The following WDR41 variants were observed in gnomAD, a reference collection of about 807,000 sequenced individuals.
The protein encoded by WDR41 is WD repeat-containing protein 41.
A neutral mutation model predicts 69.3 loss-of-function variants in WDR41; 63 were observed. That is an observed-to-expected ratio of 0.91 (90% CI 0.74 to 1.12). The LOEUF is 1.12. WDR41 is among the 50% of genes most tolerant of loss of function. The pLI is 0.00. For missense variants in WDR41, 543 were observed against 534.5 expected (o/e 1.02, Z -0.16); for synonymous variants, 185 against 192.1 (o/e 0.96, Z 0.31).
chr5:77,463,130 G>C lies in WDR41; in HGVS notation c.313C>G (p.Leu105Val), dbSNP rs1800145336. ...SLESCEEKNQLILTASADRTV... is the reference protein window; with the variant it reads ...SLESCEEKNQVILTASADRTV... ...CTATCAGCAGAGGCTGTCAAGATGAGTTGATTTTTCTCTTCACAAGATTCC... is the reference window on the plus strand; with the variant it reads ...CTATCAGCAGAGGCTGTCAAGATGACTTGATTTTTCTCTTCACAAGATTCC... The change falls in exon 4 of 13, where the codon CTC (leucine) becomes GTC (valine). Residue 105 changes from leucine (L) to valine (V), a missense_variant. Transcript: ENST00000296679. 6.2e-7 allele frequency: 1 copy of C among 1,612,416 alleles called. No individual in the cohort carries two copies. Among genetic ancestry groups the C allele is most frequent in the Non-Finnish European group, 8.5e-7 (1 of 1,179,260 alleles).
rs181393765 is a variant in WDR41, at chr5:77,475,580, G to A, written c.168-10771C>T. ...GGAGAGACTGACACCTCACACGGCC[G>A]GGTACTCCAACAGACCTGCAGCTGA... On this transcript the variant is annotated intron_variant, in intron 2 of 12. Coordinates refer to ENST00000296679, the MANE Select transcript of WDR41 (RefSeq NM_018268.4). Among the ~76,000 whole-genome samples, 472 of 152,136 alleles carry A rather than the reference G, an allele frequency of 3.1e-3. 1 individual carries two copies. The highest frequency in any genetic ancestry group is 0.011 in the African/African-American group (449 of 41,492).
chr5:77,484,403 C>T (rs1366991475), intron 2 of WDR41, among the ~76,000 whole-genome samples: 4 of 152,148 alleles, frequency 2.6e-5, no homozygotes, highest in Middle Eastern at 3.4e-3. Flanking sequence ...GGATTAGGGG[C>T]CTTTAGAAAT....
chr5:77,511,059 A>G (rs1257006154), intron 1 of WDR41, among the ~76,000 whole-genome samples: 1 of 152,044 alleles, frequency 6.6e-6, no homozygotes, highest in Non-Finnish European at 1.5e-5. Context: ...ACCCAGCCCA[A>G]ATTTAATTTT....
intron 2 of WDR41, among the ~76,000 whole-genome samples, chr5:77,470,333 T>G (rs1581733489): frequency 6.6e-6 from 1 of 152,046 alleles, no homozygotes; most frequent in East Asian, 1.9e-4. Flanking sequence ...CATGCCAAAT[T>G]GTAAAGACCA....
intron 1 of WDR41, among the ~76,000 whole-genome samples, chr5:77,557,720 A>T (rs375340011): frequency 6.6e-6 from 1 of 152,234 alleles, no homozygotes; most frequent in African/African-American, 2.4e-5. Context: ...TTGCACATAT[A>T]CACCAAAATA....
At chr5:77,583,127 T>C (rs1743971625) in intron 1 of WDR41, 1 of 1,395,068 alleles carries the variant, frequency 7.2e-7, no homozygotes, top group African/African-American at 1.4e-5. Flanking sequence ...AACTAAGGTG[T>C]CTACCATGAT....
intron 1 of WDR41, among the ~76,000 whole-genome samples, chr5:77,592,274 G>T (rs1744149357): frequency 6.6e-6 from 1 of 152,020 alleles, no homozygotes; most frequent in African/African-American, 2.4e-5. Context: ...TTTAAATTGA[G>T]TCTGATAGTT....
chr5:77,537,168 C>T (rs1178422889), intron 1 of WDR41, among the ~76,000 whole-genome samples: 2 of 152,200 alleles, frequency 1.3e-5, no homozygotes. Context: ...TTTTTCCCTC[C>T]TATCTTTCTG....
chr5:77,461,898 G>C (rs1800084025), intron 4 of WDR41, among the ~76,000 whole-genome samples: 1 of 151,914 alleles, frequency 6.6e-6, no homozygotes, highest in African/African-American at 2.4e-5. Context: ...AAAGACAACA[G>C]TTATCCATAG....
At chr5:77,591,267 A>G (rs532453083) in intron 1 of WDR41, among the ~76,000 whole-genome samples, 1 of 152,162 alleles carries the variant, frequency 6.6e-6, no homozygotes, top group African/African-American at 2.4e-5. Flanking sequence ...TGTTACTGAT[A>G]TTGGTCATTT....
At chr5:77,568,458 G>A (rs1397591998) in intron 1 of WDR41, among the ~76,000 whole-genome samples, 1 of 152,078 alleles carries the variant, frequency 6.6e-6, no homozygotes, top group Admixed American at 6.6e-5. Context: ...CTGTATGAGA[G>A]CTCTGCTAGC....
intron 2 of WDR41, among the ~76,000 whole-genome samples, chr5:77,474,861 G>C (rs926232923): frequency 2.6e-5 from 4 of 152,220 alleles, no homozygotes; most frequent in Non-Finnish European, 5.9e-5. Flanking sequence ...CCCAGCGTGA[G>C]CGACGCAGAA....
At chr5:77,467,805 A>T (rs1800370763) in intron 2 of WDR41, among the ~76,000 whole-genome samples, 1 of 152,068 alleles carries the variant, frequency 6.6e-6, no homozygotes, top group African/African-American at 2.4e-5. Context: ...TCCTTTTATC[A>T]TAATTAATGT....
At chr5:77,456,293 G>C (rs1414061779) in intron 5 of WDR41, among the ~76,000 whole-genome samples, 2 of 152,060 alleles carry the variant, frequency 1.3e-5, no homozygotes, top group African/African-American at 4.8e-5. Flanking sequence ...ATAGGCATAA[G>C]CCACCCCGCC....
upstream of WDR41, among the ~76,000 whole-genome samples, chr5:77,493,976 T>G (rs1241184167): frequency 6.6e-6 from 1 of 151,764 alleles, no homozygotes; most frequent in Admixed American, 6.6e-5. Context: ...TTTACAAGAT[T>G]AGTATATTAT....
intron 1 of WDR41, among the ~76,000 whole-genome samples, chr5:77,534,926 G>A (rs1282169489): frequency 6.6e-6 from 1 of 152,138 alleles, no homozygotes; most frequent in African/African-American, 2.4e-5. Context: ...TTTATAAAAT[G>A]TGTACAAATT....
intron 1 of WDR41, among the ~76,000 whole-genome samples, chr5:77,512,792 C>A (rs915931960): frequency 1.3e-5 from 2 of 150,452 alleles, no homozygotes; most frequent in Non-Finnish European, 3.0e-5. Context: ...CTCAACTTTC[C>A]TGGTAGGAAA....
chr5:77,581,961 T>C (rs1370435213), intron 1 of WDR41, among the ~76,000 whole-genome samples: 1 of 151,924 alleles, frequency 6.6e-6, no homozygotes, highest in Non-Finnish European at 1.5e-5. Context: ...AAACTAAGCC[T>C]GAAGCAAAAG....
chr5:77,512,842 T>C (rs1802231335), intron 1 of WDR41, among the ~76,000 whole-genome samples: 1 of 151,864 alleles, frequency 6.6e-6, no homozygotes, highest in Non-Finnish European at 1.5e-5. Flanking sequence ...CAAATTAATA[T>C]ATAAATGCAT....
Sources: gnomAD v4.1 joint callset for allele counts (sites outside exome capture counted in the v4.1 genomes callset) on GRCh38, gnomAD v4.1.1 for gene constraint, MANE v1.5 for transcripts, NCBI Gene and HGNC (gene_info 2026-07-23, HGNC 2026-07-21) for gene names.